The following ADRA1D variants were observed in gnomAD, a reference collection of about 807,000 sequenced individuals.
The protein encoded by ADRA1D is adrenoceptor alpha 1D.
ADRA1D carries 22 observed loss-of-function variants against 18.6 expected under a neutral mutation model. The ratio of observed to expected loss-of-function variants is 1.19; its 90% CI spans 0.85 to 1.69. The LOEUF (loss-of-function observed/expected upper bound fraction) is 1.69, where lower values mean the gene tolerates loss of function less well. Among genes scored for constraint, ADRA1D ranks in the 40% most tolerant of loss-of-function variants. ADRA1D has a pLI of 0.00. For missense variants in ADRA1D, 840 were observed against 840.7 expected (o/e 1.00, Z 0.01); for synonymous variants, 376 against 388.2 (o/e 0.97, Z 0.37).
Position 4,221,481 on chromosome 20 carries a change from A to AC in ADRA1D, c.*41dup. ...CCAGCCCGCCTCTCTGGTCCCCCTT[A>AC]CCCCCAAGCCCAGCACACTCCGCGG... On this transcript the variant is annotated 3_prime_UTR_variant, in exon 2 of 2. Coordinates refer to ENST00000379453, the MANE Select transcript of ADRA1D (RefSeq NM_000678.4). The AC allele has an allele frequency of 6.4e-7, 1 of 1,562,392 alleles. No individual in the cohort carries two copies. The highest frequency in any genetic ancestry group is 8.7e-7 in the Non-Finnish European group (1 of 1,150,554).
chr20:4,227,663 C>CTT (rs1224542586), intron 1 of ADRA1D, among the ~76,000 whole-genome samples: 57 of 112,882 alleles, frequency 5.0e-4, no homozygotes, highest in African/African-American at 1.7e-3. Context: ...TCCTTCCTTC[C>CTT]CTCCTTCCTT....
chr20:4,239,241 T>G lies in ADRA1D; in HGVS notation c.1111+8606A>C, dbSNP rs1981161726. Among the ~76,000 whole-genome samples the G allele has an allele frequency of 6.6e-6, 1 of 151,984 alleles. No individual in the cohort carries two copies. The highest frequency in any genetic ancestry group is 2.4e-5 in the African/African-American group (1 of 41,384). Reference sequence around the variant, plus strand: ...GGGAGTGAGGAAAAAACAGTGTGATTCTGATGCCCAGATCTTTAATGAATG... The same window carrying G: ...GGGAGTGAGGAAAAAACAGTGTGATGCTGATGCCCAGATCTTTAATGAATG... On this transcript the variant is annotated intron_variant, in intron 1 of 1. Coordinates refer to ENST00000379453, the MANE Select transcript of ADRA1D (RefSeq NM_000678.4). This position sits in a 1 kb window ranked among gnomAD's most constrained non-coding sequence, Gnocchi z 4.9.
chr20:4,221,568 G>A lies in ADRA1D; in HGVS notation c.1674C>T (p.Ala558=). 6.2e-7 allele frequency: 1 copy of A among 1,612,606 alleles called. No homozygotes were observed. Residue 558 remains alanine, a synonymous_variant, in exon 2 of 2, where the codon GCC becomes GCT. Transcript: ENST00000379453. ...HEVAEGATCQ[A]YELADYSNLR... ...GGTTGCTGTAGTCGGCCAATTCGTAGGCCTGGCAGGTGGCGCCCTCGGCCA... is the reference window on the plus strand; with the variant it reads ...GGTTGCTGTAGTCGGCCAATTCGTAAGCCTGGCAGGTGGCGCCCTCGGCCA...
rs1471564580 is a variant in ADRA1D at position 4,222,890 on chromosome 20, T to G, written c.1112-760A>C. Among the ~76,000 whole-genome samples, 1 of 152,242 alleles carries G rather than the reference T, an allele frequency of 6.6e-6. No individual in the cohort carries two copies. Among genetic ancestry groups the G allele is most frequent in the Non-Finnish European group, 1.5e-5 (1 of 68,034 alleles). Reference sequence around the variant, plus strand: ...GGGCTGGGCTACAGGGCTTAGTCTATAGTCCTCAATAAGACTTCTAAATAA... The same window carrying G: ...GGGCTGGGCTACAGGGCTTAGTCTAGAGTCCTCAATAAGACTTCTAAATAA... On this transcript the variant is annotated intron_variant, in intron 1 of 1. Transcript: ENST00000379453. This position sits in a 1 kb window ranked among gnomAD's most constrained non-coding sequence, Gnocchi z 4.3.
intron 1 of ADRA1D, among the ~76,000 whole-genome samples, chr20:4,224,767 CA>C (rs35009840): frequency 0.52 from 53,685 of 102,968 alleles, 16,344 homozygotes; most frequent in East Asian, 0.76. Context: ...CTCTTGCCTT[CA>C]AAAAAAAAAG....
At chr20:4,244,759 T>G (rs1282868646) in intron 1 of ADRA1D, among the ~76,000 whole-genome samples, 1 of 152,230 alleles carries the variant, frequency 6.6e-6, no homozygotes, top group Non-Finnish European at 1.5e-5. Context: ...AAATGGGCTC[T>G]GCCCTCCCTC....
chr20:4,248,751 C>A lies in ADRA1D; in HGVS notation c.207G>T (p.Ala69=). 4 of 1,510,214 alleles carry A rather than the reference C, an allele frequency of 2.6e-6. No individual in the cohort carries two copies. Among genetic ancestry groups the A allele is most frequent in the Non-Finnish European group, 2.7e-6 (3 of 1,129,380 alleles). The allele number at this position is 1,510,214 out of a possible 1,614,324, so 93.6% of individuals were successfully genotyped here. Residue 69 remains alanine, a synonymous_variant, in exon 1 of 2, where the codon GCG becomes GCT. Transcript: ENST00000379453. The stretch of plus-strand genomic sequence containing the variant: ...CCGCGCCCGCGCTCCCCGGCTCCCC[C>A]GCGGAGCTCCGGTTGTCCTCGCCGC... ...AGSGEDNRSS[A]GEPGSAGAGG...
In ADRA1D at chr20:4,222,047, G is replaced by T; in HGVS notation, c.1195C>A (p.Pro399Thr). The T allele has an allele frequency of 6.2e-7, 1 of 1,612,238 alleles. No homozygotes were observed. The highest frequency in any genetic ancestry group is 8.5e-7 in the Non-Finnish European group (1 of 1,179,324). ...CGGCTGGAACAGGGGTAGATGAGCG[G>T]GTTCACGCAGCTGTTGAAGTAGCCG... ...WLGYFNSCVN[P>T]LIYPCSSREF... Residue 399 changes from proline to threonine, a missense_variant, in exon 2 of 2, where the codon CCG becomes ACG. Physicochemically the swap from Pro to Thr is conservative, Grantham distance 38. Transcript: ENST00000379453. The surrounding 1 kb of genome is among the most constrained non-coding windows in gnomAD (Gnocchi z 4.3).
In ADRA1D at chr20:4,222,204, G is replaced by C; in HGVS notation, c.1112-74C>G. On this transcript the variant is annotated intron_variant, in intron 1 of 1. Coordinates refer to ENST00000379453, the MANE Select transcript of ADRA1D (RefSeq NM_000678.4). The surrounding 1 kb of genome is among the most constrained non-coding windows in gnomAD (Gnocchi z 4.3). ...GCCAGGCGGCTCTGGGCGCAAAGGG[G>C]AGACCCTTCAGTAGCCTTGGCTGAG... is the stretch of plus-strand genomic sequence containing the variant. The C allele has an allele frequency of 1.3e-6, 2 of 1,550,990 alleles. No individual in the cohort carries two copies. Among genetic ancestry groups the C allele is most frequent in the Middle Eastern group, 1.9e-4 (1 of 5,370 alleles).
chr20:4,227,755 C>CCTTCCT (rs1568763493), intron 1 of ADRA1D, among the ~76,000 whole-genome samples: 1 of 136,350 alleles, frequency 7.3e-6, no homozygotes, highest in African/African-American at 2.7e-5. Flanking sequence ...TCCTTCTTCT[C>CCTTCCT]TCTCTCTCTT....
At position 4,221,718 on chromosome 20, in the gene ADRA1D, G is replaced by C; in HGVS notation, c.1524C>G (p.Thr508=). Residue 508 remains threonine, a synonymous_variant, in exon 2 of 2, where the codon ACC becomes ACG. Coordinates refer to ENST00000379453, the MANE Select transcript of ADRA1D (RefSeq NM_000678.4). ...GGCTGGAGACTTTGGCGCGCAGCTG[G>C]GTCGTGGGTCTCCGGAACGGCCCCA... The part of the protein sequence containing the change: ...RLLGPFRRPT[T]QLRAKVSSLS... 1 of 1,608,806 alleles carries C rather than the reference G, an allele frequency of 6.2e-7. No individual in the cohort carries two copies. Among genetic ancestry groups the C allele is most frequent in the Non-Finnish European group, 8.5e-7 (1 of 1,178,938 alleles).
intron 1 of ADRA1D, among the ~76,000 whole-genome samples, chr20:4,230,207 C>T (rs1980921759): frequency 6.6e-6 from 1 of 152,234 alleles, no homozygotes; most frequent in Non-Finnish European, 1.5e-5. Context: ...GTACTTGTCA[C>T]CTTCTGTCCT....
chr20:4,223,376 C>T (rs1358854502), intron 1 of ADRA1D, among the ~76,000 whole-genome samples: 2 of 152,240 alleles, frequency 1.3e-5, no homozygotes, highest in Non-Finnish European at 2.9e-5. Context: ...TGAGAAGGGA[C>T]CCATACGCTT....
intron 1 of ADRA1D, among the ~76,000 whole-genome samples, chr20:4,246,961 G>A (rs371890175): frequency 9.3e-4 from 141 of 152,152 alleles, no homozygotes; most frequent in African/African-American, 3.0e-3. Context: ...TTGGGCCTGC[G>A]GAGGTTGCAG....
At position 4,248,211 on chromosome 20, in the gene ADRA1D, G is replaced by C. The variant is rs748420245; in HGVS notation, c.747C>G (p.Thr249=). ...AGAAGACAGCGTAGCCCGCCTCCTC[G>C]GTGATACCGCAGAAGCGCTCGTCAG... ...VPPDERFCGI[T]EEAGYAVFSS... is the part of the protein sequence containing the mutation. Residue 249 remains threonine, a synonymous_variant, in exon 1 of 2, where the codon ACC becomes ACG. Transcript: ENST00000379453. The C allele has an allele frequency of 6.3e-7, 1 of 1,595,828 alleles. No individual in the cohort carries two copies. Among genetic ancestry groups the C allele is most frequent in the East Asian group, 2.3e-5 (1 of 44,130 alleles).
intron 1 of ADRA1D, among the ~76,000 whole-genome samples, chr20:4,228,735 C>T (rs149239695): frequency 5.9e-5 from 9 of 152,372 alleles, no homozygotes; most frequent in Admixed American, 2.6e-4. Context: ...CTGCACCTCT[C>T]ATCTTCTTTG....
intron 1 of ADRA1D, among the ~76,000 whole-genome samples, chr20:4,244,426 C>T (rs1334066844): frequency 6.6e-6 from 1 of 152,176 alleles, no homozygotes; most frequent in Non-Finnish European, 1.5e-5. Flanking sequence ...AACGTCAATG[C>T]TCCCCAAAGC....
In ADRA1D at chr20:4,239,279, C is replaced by T. The variant is rs1170533929; in HGVS notation, c.1111+8568G>A. On this transcript the variant is annotated intron_variant, in intron 1 of 1. Transcript: ENST00000379453. This position sits in a 1 kb window ranked among gnomAD's most constrained non-coding sequence, Gnocchi z 4.9. ...TCTTTAATGAATGGAGCAGGGTGAT[C>T]AACAGTTCCTCAGATGTTTGGGACA... Among the ~76,000 whole-genome samples, 1 of 152,014 alleles carries T rather than the reference C, an allele frequency of 6.6e-6. No homozygotes were observed. The highest frequency in any genetic ancestry group is 2.4e-5 in the African/African-American group (1 of 41,352).
chr20:4,227,755 C>T (rs1383896994), intron 1 of ADRA1D, among the ~76,000 whole-genome samples: 11 of 136,346 alleles, frequency 8.1e-5, no homozygotes, highest in African/African-American at 3.0e-4. Flanking sequence ...TCCTTCTTCT[C>T]TCTCTCTCTT....
Sources: gnomAD v4.1 joint callset for allele counts (sites outside exome capture counted in the v4.1 genomes callset) on GRCh38, gnomAD v4.1.1 for gene constraint, Gnocchi (gnomAD v3.1) non-coding constraint, MANE v1.5 for transcripts, NCBI Gene and HGNC (gene_info 2026-07-23, HGNC 2026-07-21) for gene names.